TAF1: variants seen among roughly 807,000 people sequenced by gnomAD.
TAF1 encodes the protein TATA-box binding protein associated factor 1.
TAF1 carries 2 observed loss-of-function variants against 138.5 expected under a neutral mutation model. That is an observed-to-expected ratio of 0.01 (90% confidence interval 0.01 to 0.05). The LOEUF (loss-of-function observed/expected upper bound fraction) is 0.05, where lower values mean the gene tolerates loss of function less well. Ranked by LOEUF, TAF1 falls within the 10% of genes least tolerant of loss-of-function variation. TAF1 has a pLI of 1.00. For synonymous variants in TAF1, 437 were observed against 503.2 expected (o/e 0.87, Z 1.76); for missense variants, 709 against 1,478.0 (o/e 0.48, Z 8.53).
intron 13 of TAF1, among the ~76,000 whole-genome samples, chrX:71,516,534 T>C (rs767921743): frequency 3.3e-4 from 36 of 109,152 alleles, no homozygotes; most frequent in Non-Finnish European, 6.7e-4. Context: ...GCCAATACTT[T>C]GGGAGATTGA....
At chrX:71,452,796 C>T (rs902940288) in intron 32 of TAF1, among the ~76,000 whole-genome samples, 5 of 112,351 alleles carry the variant, frequency 4.5e-5, no homozygotes, top group Non-Finnish European at 7.5e-5. Flanking sequence ...AACGAGGCTC[C>T]GTCTGCAATC....
chrX:71,460,396 T>C (rs1314944058), intron 36 of TAF1, among the ~76,000 whole-genome samples: 3 of 112,318 alleles, frequency 2.7e-5, no homozygotes, highest in Non-Finnish European at 5.6e-5. Context: ...AAAATACAGA[T>C]AGGTTGGCAT....
chrX:71,447,652 G>A (rs908582197), intron 32 of TAF1, among the ~76,000 whole-genome samples: 8 of 106,812 alleles, frequency 7.5e-5, no homozygotes, highest in South Asian at 4.2e-4. Flanking sequence ...AGCAGAGATC[G>A]CGCCACTGTA....
intron 30 of TAF1, 161 bp downstream of exon 30, chrX:71,423,400 A>G (rs1314105730): frequency 2.1e-6 from 1 of 473,462 alleles, no homozygotes. Context: ...ATATGGGTAC[A>G]TTATCTTTTT....
At chrX:71,466,186 TGGG>T (rs1230227742), downstream of TAF1, 4 of 111,116 alleles carry the variant, frequency 3.6e-5, no homozygotes, top group African/African-American at 1.3e-4. Context: ...GAATTTTGGT[TGGG>T]GGGATTGGGT....
intron 13 of TAF1, among the ~76,000 whole-genome samples, chrX:71,519,275 A>G (rs901342594): frequency 2.0e-5 from 2 of 101,623 alleles, no homozygotes; most frequent in African/African-American, 7.2e-5. Flanking sequence ...TGAGCCGGTG[A>G]TCAAGCCACT....
Position 71,459,669 on chromosome X carries a change from G to A in TAF1, c.5182G>A (p.Asp1728Asn), listed in dbSNP as rs1313761028. The change falls in exon 36 of 38, where the codon GAT (aspartate) becomes AAT (asparagine). Residue 1728 changes from aspartate (D) to asparagine (N), a missense_variant. Physicochemically the swap from Asp to Asn is conservative, Grantham distance 23. Coordinates refer to ENST00000423759, the MANE Select transcript of TAF1 (RefSeq NM_004606.5). Reference sequence around the variant, plus strand: ...GTCTGAAGGAGAAGATGATGAGGAAGATGCTGGGAGTGATGAAGAAGGAGA... The same window carrying A: ...GTCTGAAGGAGAAGATGATGAGGAAAATGCTGGGAGTGATGAAGAAGGAGA... ...LMSEGEDDEE[D>N]AGSDEEGDNP... 1 of 1,211,396 alleles carries A rather than the reference G, an allele frequency of 8.3e-7. No homozygotes were observed. The highest frequency in any genetic ancestry group is 2.2e-5 in the Admixed American group (1 of 45,954).
At chrX:71,507,478 C>G (rs868784566) in intron 13 of TAF1, among the ~76,000 whole-genome samples, 61 of 111,870 alleles carry the variant, frequency 5.5e-4, no homozygotes, top group African/African-American at 1.9e-3. Context: ...AATCCTCTCA[C>G]CTTTGGACCC....
intron 28 of TAF1, among the ~76,000 whole-genome samples, chrX:71,419,137 C>T (rs1164760226): frequency 8.9e-6 from 1 of 111,812 alleles, no homozygotes; most frequent in Admixed American, 9.5e-5. Flanking sequence ...GTAAATTCTA[C>T]AAACAAAAGT....
At position 71,478,504 on chromosome X, in the gene TAF1, A is replaced by G. The variant is rs1367702800; in HGVS notation, c.1366+17701A>G. On this transcript the variant is annotated intron_variant and NMD_transcript_variant, in intron 13 of 14. Coordinates refer to the TAF1 transcript ENST00000373775. ...CCACTGCACTCCTCCAGCCTAGGTG[A>G]TAGAGCAAGACCTTGTCTCAAACAA... is the stretch of plus-strand genomic sequence containing the variant. Among the ~76,000 whole-genome samples, 4 of 110,843 alleles carry G rather than the reference A, an allele frequency of 3.6e-5. No homozygotes were observed. The East Asian group carries it at 8.5e-4, about 24-fold the overall frequency.
intron 32 of TAF1, among the ~76,000 whole-genome samples, chrX:71,450,625 C>G (rs2037914515): frequency 8.9e-6 from 1 of 112,218 alleles, no homozygotes. Flanking sequence ...CCACTTCCTT[C>G]TTTGTGCCAC....
In TAF1 at chrX:71,433,640, T is replaced by C. The variant is rs911140382; in HGVS notation, c.4753+9402T>C. On this transcript the variant is annotated intron_variant, in intron 32 of 37. Transcript: ENST00000423759. ...GTGATTTCTCAAATTTTTACGTATT[T>C]GCAAAGAGTTTAAATATTTTTTTAC... 7.2e-5 allele frequency among the ~76,000 whole-genome samples: 8 copies of C among 111,439 alleles called. No individual in the cohort carries two copies. The South Asian group carries it at 1.1e-3, about 15-fold the overall frequency.
Position 71,464,010 on chromosome X carries a change from C to A in TAF1, c.5586C>A (p.Ser1862=). The change falls in exon 38 of 38, where the codon TCC becomes TCA. Residue 1862 remains serine, a synonymous_variant. Transcript: ENST00000423759. ...EDEEDSEDFH[S]IAGDSDLDSD... is the part of the protein sequence containing the mutation. ...AGGAGGACAGTGAGGATTTCCACTC[C>A]ATTGCTGGGGACAGTGACTTGGACT... 8.3e-7 allele frequency: 1 copy of A among 1,197,674 alleles called. No homozygotes were observed. The highest frequency in any genetic ancestry group is 3.0e-5 in the East Asian group (1 of 33,172).
Position 71,454,243 on chromosome X carries a change from T to C in TAF1, c.4821+6T>C, listed in dbSNP as rs1436544212. 8.3e-7 allele frequency: 1 copy of C among 1,206,499 alleles called. No homozygotes were observed. The highest frequency in any genetic ancestry group is 2.2e-5 in the Admixed American group (1 of 45,987). ...GTTACCAGACATTGACTGAGGTAGG[T>C]GGTAAAGATGGAGGTCCTAAGCCTG... On this transcript the variant is annotated splice_donor_region_variant and intron_variant, in intron 33 of 37. Transcript: ENST00000423759.
In TAF1 at chrX:71,524,183, A is replaced by G. The variant is rs4466573; in HGVS notation, c.1367-4359A>G. ...ACTACCAGAGCATGCCACCACACCC[A>G]GCTGATTTTTGTATTTTTAATTTTT... On this transcript the variant is annotated intron_variant and NMD_transcript_variant, in intron 13 of 14. Transcript: ENST00000373775. 7.8e-3 allele frequency among the ~76,000 whole-genome samples: 843 copies of G among 108,672 alleles called. 9 individuals are homozygous for G. The highest frequency in any genetic ancestry group is 0.027 in the African/African-American group (799 of 29,861). 94.4% of individuals were successfully genotyped at this position (108,672 alleles called of 115,157 possible). A position where few individuals can be genotyped will look rare whatever the true frequency, so the allele number is the denominator to read the frequency against.
chrX:71,378,841 G>A lies in TAF1; in HGVS notation c.1170G>A (p.Glu390=), dbSNP rs749288564. ...SRMIEEFRKL[E]ENNGTDLLAD... is the part of the protein sequence containing the mutation. ...TTACACAGGAATTTAGGAAACTTGA[G>A]GAAAACAATGGCACTGATCTTCTGG... Residue 390 remains glutamate (E), a synonymous_variant, in exon 8 of 38, where the codon GAG becomes GAA. Coordinates refer to ENST00000423759, the MANE Select transcript of TAF1 (RefSeq NM_004606.5). The A allele has an allele frequency of 5.8e-6, 7 of 1,209,488 alleles. No homozygotes were observed. Among genetic ancestry groups the A allele is most frequent in the Non-Finnish European group, 7.8e-6 (7 of 895,167 alleles).
At chrX:71,480,621 T>C (rs888864534) in intron 13 of TAF1, among the ~76,000 whole-genome samples, 6 of 112,075 alleles carry the variant, frequency 5.4e-5, no homozygotes, top group African/African-American at 1.6e-4. Context: ...AAATACAGCA[T>C]TGAACAAAAG....
At chrX:71,388,913 G>GA (rs1555970966) in intron 17 of TAF1, 45 bp downstream of exon 17, 9 of 972,400 alleles carry the variant, frequency 9.3e-6, no homozygotes, top group Middle Eastern at 2.8e-4. Flanking sequence ...GTGGTTTTTT[G>GA]TTTTTTTTTT....
chrX:71,498,118 G>A (rs1374253753), intron 13 of TAF1, among the ~76,000 whole-genome samples: 1 of 111,557 alleles, frequency 9.0e-6, no homozygotes, highest in Non-Finnish European at 1.9e-5. Context: ...AAGGACCAGA[G>A]TGCCTGGACT....
Sources: gnomAD v4.1 joint callset for allele counts (sites outside exome capture counted in the v4.1 genomes callset) on GRCh38, gnomAD v4.1.1 for gene constraint, MANE v1.5 for transcripts, NCBI Gene and HGNC (gene_info 2026-07-23, HGNC 2026-07-21) for gene names.